SYT9: variants seen among roughly 807,000 people sequenced by gnomAD.
SYT9 encodes synaptotagmin-9.
Under a neutral mutation model 48.4 loss-of-function variants are expected in SYT9, and 22 were observed. That is an observed-to-expected ratio of 0.45 (90% CI 0.32 to 0.65). SYT9 has a LOEUF of 0.65. Among genes scored for constraint, SYT9 ranks in the 30% least tolerant of loss-of-function variants. SYT9 has a pLI of 0.03. For synonymous variants in SYT9, 265 were observed against 245.0 expected, an observed-to-expected ratio of 1.08 and a Z score of -0.76; for missense variants, 577 against 622.0, an observed-to-expected ratio of 0.93 and a Z score of 0.77.
intron 2 of SYT9, among the ~76,000 whole-genome samples, chr11:7,307,162 A>G (rs1308998949): frequency 1.3e-5 from 2 of 152,218 alleles, no homozygotes; most frequent in African/African-American, 4.8e-5. Flanking sequence ...TTACAGAAAT[A>G]TGCTGACAGA....
chr11:7,294,736 G>A (rs1848762615), intron 1 of SYT9, among the ~76,000 whole-genome samples: 1 of 152,196 alleles, frequency 6.6e-6, no homozygotes, highest in Non-Finnish European at 1.5e-5. Flanking sequence ...TTGCCACATG[G>A]CCCACACACC....
chr11:7,300,364 G>C (rs1848896104), intron 1 of SYT9, among the ~76,000 whole-genome samples: 1 of 152,164 alleles, frequency 6.6e-6, no homozygotes, highest in Non-Finnish European at 1.5e-5. Context: ...GGAGCACAAG[G>C]GACCTTTGCT....
intron 6 of SYT9, chr11:7,435,033 AAG>A: frequency 1.3e-5 from 2 of 152,306 alleles, no homozygotes; most frequent in Middle Eastern, 6.8e-3. Context: ...CTTGCAAAGA[AAG>A]AAATAATAAT....
At chr11:7,367,342 G>A (rs2346820) in intron 3 of SYT9, among the ~76,000 whole-genome samples, 3,384 of 150,710 alleles carry the variant, frequency 0.022, 107 homozygotes, top group African/African-American at 0.074. Flanking sequence ...CGGCCTCCCA[G>A]AGTGCTGGGA....
chr11:7,309,054 T>C (rs569524873), intron 2 of SYT9, among the ~76,000 whole-genome samples: 6 of 152,238 alleles, frequency 3.9e-5, no homozygotes, highest in Non-Finnish European at 8.8e-5. Flanking sequence ...TTGGGAAATC[T>C]ACTTTGCACA....
chr11:7,310,187 G>A (rs1564856740), intron 2 of SYT9, among the ~76,000 whole-genome samples: 1 of 152,138 alleles, frequency 6.6e-6, no homozygotes, highest in Admixed American at 6.5e-5. Flanking sequence ...AGACTGGAGT[G>A]TAGTGGCGTG....
chr11:7,466,987 T>G lies in SYT9; in HGVS notation c.*187T>G. 1.5e-6 allele frequency: 1 copy of G among 670,418 alleles called. No individual in the cohort carries two copies. Among genetic ancestry groups the G allele is most frequent in the Non-Finnish European group, 2.6e-6 (1 of 388,710 alleles). The allele number at this position is 670,418 out of a possible 1,614,324, so 41.5% of individuals were successfully genotyped here. On this transcript the variant is annotated 3_prime_UTR_variant, in exon 7 of 7. Transcript: ENST00000318881. Reference sequence around the variant, plus strand: ...GTGAACCTGAATGGTCCAGCCACCTTCTGCAGGTGGCCCAAGGTGATGTGC... The same window carrying G: ...GTGAACCTGAATGGTCCAGCCACCTGCTGCAGGTGGCCCAAGGTGATGTGC...
intron 6 of SYT9, among the ~76,000 whole-genome samples, chr11:7,460,630 T>C (rs1848219823): frequency 6.6e-6 from 1 of 152,200 alleles, no homozygotes; most frequent in African/African-American, 2.4e-5. Context: ...TAGATTTTCC[T>C]AAGCATTTAA....
At chr11:7,348,179 A>T (rs1480561773) in intron 3 of SYT9, among the ~76,000 whole-genome samples, 1 of 151,464 alleles carries the variant, frequency 6.6e-6, no homozygotes. Context: ...AAACTACAGG[A>T]CCTCCCCCTT....
At chr11:7,393,294 GT>G (rs56387246) in intron 3 of SYT9, among the ~76,000 whole-genome samples, 92,115 of 141,500 alleles carry the variant, frequency 0.65, 30,484 homozygotes, top group Non-Finnish European at 0.74. Context: ...GTTTGTTGAG[GT>G]TTTTTTTTTT....
At chr11:7,340,044 T>C (rs1404288639) in intron 3 of SYT9, among the ~76,000 whole-genome samples, 1 of 152,214 alleles carries the variant, frequency 6.6e-6, no homozygotes, top group Non-Finnish European at 1.5e-5. Flanking sequence ...CTCAGAGGTT[T>C]TGTTTGTTCC....
intron 1 of SYT9, among the ~76,000 whole-genome samples, chr11:7,265,808 A>G (rs1848169889): frequency 6.6e-6 from 1 of 152,078 alleles, no homozygotes; most frequent in African/African-American, 2.4e-5. Context: ...AAGTAAAATC[A>G]TGGTCTTCTT....
At chr11:7,267,192 TA>T (rs1848200353) in intron 1 of SYT9, among the ~76,000 whole-genome samples, 1 of 152,010 alleles carries the variant, frequency 6.6e-6, no homozygotes, top group Non-Finnish European at 1.5e-5. Flanking sequence ...TATAACTTTA[TA>T]AATTAGAAAA....
At chr11:7,456,132 A>G (rs987214719) in intron 6 of SYT9, among the ~76,000 whole-genome samples, 3 of 152,254 alleles carry the variant, frequency 2.0e-5, no homozygotes, top group Admixed American at 6.5e-5. Context: ...TTAGTTGGAT[A>G]CATCTGTCTT....
At chr11:7,390,560 A>G (rs1850743740) in intron 3 of SYT9, among the ~76,000 whole-genome samples, 1 of 152,232 alleles carries the variant, frequency 6.6e-6, no homozygotes, top group Non-Finnish European at 1.5e-5. Flanking sequence ...GTAAGAAACC[A>G]TATGTAAAAT....
intron 2 of SYT9, among the ~76,000 whole-genome samples, chr11:7,308,255 C>CT (rs1343650005): frequency 1.3e-5 from 2 of 152,196 alleles, no homozygotes; most frequent in African/African-American, 4.8e-5. Flanking sequence ...TTGCTTCTCT[C>CT]TTTTTTCTCC....
intron 3 of SYT9, among the ~76,000 whole-genome samples, chr11:7,408,661 T>G (rs1019920251): frequency 6.6e-5 from 10 of 152,266 alleles, no homozygotes; most frequent in Non-Finnish European, 8.8e-5. Context: ...GAAATGCTAC[T>G]GATTTTTGTA....
rs1848104386 is a variant in SYT9, at chr11:7,453,953, C to G, written c.1468-12839C>G. 3.1e-6 allele frequency: 3 copies of G among 980,904 alleles called. No individual in the cohort carries two copies. In the Admixed American group the frequency reaches 1.8e-4, roughly 60 times the overall value. 60.8% of individuals were successfully genotyped at this position (980,904 alleles called of 1,614,324 possible). A position where few individuals can be genotyped will look rare whatever the true frequency, so the allele number is the denominator to read the frequency against. ...GAGCACCAGGGAAGAGGCCTTAAGC[C>G]CAGTCTCCTTCAGCAGGCACCCTCT... On this transcript the variant is annotated intron_variant, in intron 6 of 6. Coordinates refer to ENST00000318881, the MANE Select transcript of SYT9 (RefSeq NM_175733.4).
At chr11:7,323,916 A>G (rs917149432) in intron 3 of SYT9, among the ~76,000 whole-genome samples, 1 of 151,800 alleles carries the variant, frequency 6.6e-6, no homozygotes, top group African/African-American at 2.4e-5. Context: ...TCTGCATTTT[A>G]TTATTAAAGG....
Sources: gnomAD v4.1 joint callset for allele counts (sites outside exome capture counted in the v4.1 genomes callset) on GRCh38, gnomAD v4.1.1 for gene constraint, MANE v1.5 for transcripts, NCBI Gene and HGNC (gene_info 2026-07-23, HGNC 2026-07-21) for gene names.